Variants in TTC21B observed in about 807,000 individuals in gnomAD.
TTC21B encodes tetratricopeptide repeat domain 21B.
A neutral mutation model predicts 175.1 loss-of-function variants in TTC21B; 127 were observed. The ratio of observed to expected loss-of-function variants is 0.73; its 90% CI spans 0.63 to 0.84. The LOEUF is 0.84. TTC21B is among the 40% of genes least tolerant of loss of function. The pLI, the probability that TTC21B is intolerant of heterozygous loss-of-function variation, is 0.00. For missense variants in TTC21B, 1,561 were observed against 1,558.3 expected (o/e 1.00, Z -0.03); for synonymous variants, 524 against 524.5 (o/e 1.00, Z 0.01).
rs146314697 is a variant in TTC21B, at chr2:165,932,663, T to A, written c.795+310A>T. Among the ~76,000 whole-genome samples the A allele has an allele frequency of 3.9e-4, 60 of 152,138 alleles. 1 individual carries two copies. The East Asian group carries it at 9.9e-3, about 25-fold the overall frequency. ...CTAGTATCACTAGTTACATTACGTA[T>A]CTAGTTACATTAATCATATATATTA... On this transcript the variant is annotated intron_variant, in intron 7 of 28. Transcript: ENST00000243344.
intron 19 of TTC21B, among the ~76,000 whole-genome samples, chr2:165,906,965 A>AG (rs1265826236): frequency 6.6e-6 from 1 of 151,084 alleles, no homozygotes; most frequent in African/African-American, 2.4e-5. Flanking sequence ...CAAAAAAAAA[A>AG]AAAAAAAAAA....
At position 165,949,648 on chromosome 2, in the gene TTC21B, T is replaced by C. The variant is rs766227919; in HGVS notation, c.98A>G (p.Tyr33Cys). Residue 33 changes from tyrosine to cysteine, a missense_variant, in exon 2 of 29, where the codon TAT (tyrosine) becomes TGT (cysteine). Coordinates refer to ENST00000243344, the MANE Select transcript of TTC21B (RefSeq NM_024753.5). ...LLVASEGIKRYGSDPVFRFYH... is the reference protein window; with the variant it reads ...LLVASEGIKRCGSDPVFRFYH... ...AAACCTGAAGACTGGATCACTTCCA[T>C]ACCTCTTAATTCCTTCACTGGCAAC... 6 of 1,613,624 alleles carry C rather than the reference T, an allele frequency of 3.7e-6. No homozygotes were observed. The highest frequency in any genetic ancestry group is 1.7e-5 in the Admixed American group (1 of 60,032).
chr2:165,920,139 A>T (rs577222148), intron 12 of TTC21B, among the ~76,000 whole-genome samples: 10 of 152,282 alleles, frequency 6.6e-5, no homozygotes, highest in Non-Finnish European at 1.5e-4. Flanking sequence ...GTTTCTCATG[A>T]TGTAACCCGC....
Position 165,874,208 on chromosome 2 carries a change from T to TGATG in TTC21B, c.*543_*546dup, listed in dbSNP as rs1684596475. 1 of 152,336 alleles carries TGATG rather than the reference T, an allele frequency of 6.6e-6. No homozygotes were observed. The allele number at this position is 152,336 out of a possible 1,614,324, so 9.4% of individuals were successfully genotyped here. ...AAAAATACAAAAAATTAGCCGGGTG[T>TGATG]GATGGCACATGCCTTTAGTCCCAGC... On this transcript the variant is annotated 3_prime_UTR_variant, in exon 29 of 29. Transcript: ENST00000243344.
At chr2:165,941,585 G>C (rs1024377640) in intron 5 of TTC21B, among the ~76,000 whole-genome samples, 2 of 151,864 alleles carry the variant, frequency 1.3e-5, no homozygotes, top group Non-Finnish European at 2.9e-5. Flanking sequence ...TTATTTTCAG[G>C]TTAAAGAATA....
chr2:165,911,597 T>C (rs998001459), intron 17 of TTC21B, 132 bp from the exon 18 acceptor site: 10 of 929,974 alleles, frequency 1.1e-5, no homozygotes, highest in Non-Finnish European at 1.4e-5. Flanking sequence ...GGCATACACC[T>C]GCCTGTCAAT....
chr2:165,883,846 G>C lies in TTC21B; in HGVS notation c.3632C>G (p.Ala1211Gly), dbSNP rs1184263036. 1 of 1,613,902 alleles carries C rather than the reference G, an allele frequency of 6.2e-7. No homozygotes were observed. Among genetic ancestry groups the C allele is most frequent in the East Asian group, 2.2e-5 (1 of 44,878 alleles). The change falls in exon 26 of 29, where the codon GCA (alanine) becomes GGA (glycine). Residue 1211 changes from alanine (A) to glycine (G), a missense_variant. Physicochemically the swap from Ala to Gly is moderately conservative, Grantham distance 60. Transcript: ENST00000243344. Reference protein sequence around the residue: ...LLLADIYIQSAKYDMAEDLLK... With the variant: ...LLLADIYIQSGKYDMAEDLLK... ...CAGGTCTTCTGCCATGTCATATTTTGCTGATTGAATGTAAATATCAGCAAG... is the reference window on the plus strand; with the variant it reads ...CAGGTCTTCTGCCATGTCATATTTTCCTGATTGAATGTAAATATCAGCAAG...
In TTC21B at chr2:165,953,669, C is replaced by CCGCTCACT; in HGVS notation, c.21+15_21+16insAGTGAGCG. 1.9e-6 allele frequency: 3 copies of CCGCTCACT among 1,547,448 alleles called. No homozygotes were observed. Among genetic ancestry groups the CCGCTCACT allele is most frequent in the Non-Finnish European group, 2.6e-6 (3 of 1,146,452 alleles). On this transcript the variant is annotated intron_variant, in intron 1 of 28. Coordinates refer to ENST00000243344, the MANE Select transcript of TTC21B (RefSeq NM_024753.5). ...CCCGCCCGCCCGCTCACCCGCTCAC[C>CCGCTCACT]CGCTCACCCGCTCACCTTCAATTCC...
Position 165,919,385 on chromosome 2 carries a change from T to C in TTC21B, c.1565A>G (p.Asn522Ser), listed in dbSNP as rs751540881. 5 of 1,613,930 alleles carry C rather than the reference T, an allele frequency of 3.1e-6. No homozygotes were observed. The highest frequency in any genetic ancestry group is 1.3e-5 in the African/African-American group (1 of 74,900). Residue 522 changes from asparagine to serine, a missense_variant, in exon 13 of 29, where the codon AAT becomes AGT. Coordinates refer to ENST00000243344, the MANE Select transcript of TTC21B (RefSeq NM_024753.5). ...FNNLQHCLEH[N>S]PSYADAHLLL... ...CAGATGAGCATCAGCATAAGAGGGATTGTGTTCTAAGCAGTGCTGAAGGTT... is the reference window on the plus strand; with the variant it reads ...CAGATGAGCATCAGCATAAGAGGGACTGTGTTCTAAGCAGTGCTGAAGGTT...
At chr2:165,941,337 A>C (rs1687360014) in intron 5 of TTC21B, among the ~76,000 whole-genome samples, 153 bp from the exon 6 acceptor site, 1 of 152,234 alleles carries the variant, frequency 6.6e-6, no homozygotes, top group Non-Finnish European at 1.5e-5. Flanking sequence ...AAAATTTTAA[A>C]ACATCACAGA....
chr2:165,876,334 G>T, intron 27 of TTC21B, 102 bp from the exon 28 acceptor site: 1 of 782,864 alleles, frequency 1.3e-6, no homozygotes. Flanking sequence ...GAATGGTAAG[G>T]GAGGCTGGTG....
chr2:165,898,709 T>C lies in TTC21B; in HGVS notation c.2927A>G (p.Gln976Arg). ...QDYEQAVFHL[Q>R]QLLERKPDNY... ...ACCTGGCTTACGTTCTAAAAGCTGC[T>C]GTAAATGAAACACTGCTTGTTCATA... Residue 976 changes from glutamine (Q) to arginine (R), a missense_variant, in exon 22 of 29, where the codon CAG becomes CGG. By Grantham distance (43) the Gln-to-Arg change is conservative. Coordinates refer to ENST00000243344, the MANE Select transcript of TTC21B (RefSeq NM_024753.5). 1 of 1,612,852 alleles carries C rather than the reference T, an allele frequency of 6.2e-7. No homozygotes were observed. The highest frequency in any genetic ancestry group is 8.5e-7 in the Non-Finnish European group (1 of 1,178,848).
At chr2:165,926,033 C>T (rs1686616066) in intron 11 of TTC21B, among the ~76,000 whole-genome samples, 1 of 152,040 alleles carries the variant, frequency 6.6e-6, no homozygotes, top group Non-Finnish European at 1.5e-5. Context: ...ATCGTTTGTT[C>T]AATTAAAATT....
In TTC21B at chr2:165,890,857, A is replaced by C. The variant is rs1574071284; in HGVS notation, c.3082T>G (p.Cys1028Gly). The C allele has an allele frequency of 6.2e-7, 1 of 1,613,496 alleles. No homozygotes were observed. Among genetic ancestry groups the C allele is most frequent in the East Asian group, 2.2e-5 (1 of 44,776 alleles). ...RAKLEPGFQY[C>G]KGLYLWYTGE... ...ATTTACCAAAGATACAGTCCTTTAC[A>C]ATACTGAAATCCTGGTTCCAATTTT... The change falls in exon 23 of 29, where the codon TGT becomes GGT. Residue 1028 changes from cysteine to glycine, a missense_variant. Transcript: ENST00000243344.
chr2:165,874,058 A>C lies in TTC21B; in HGVS notation c.*697T>G, dbSNP rs962747146. 5 of 152,132 alleles carry C rather than the reference A, an allele frequency of 3.3e-5. No individual in the cohort carries two copies. Among genetic ancestry groups the C allele is most frequent in the African/African-American group, 1.2e-4 (5 of 41,422 alleles). The allele number at this position is 152,132 out of a possible 1,614,324, so 9.4% of individuals were successfully genotyped here. On this transcript the variant is annotated 3_prime_UTR_variant, in exon 29 of 29. Coordinates refer to ENST00000243344, the MANE Select transcript of TTC21B (RefSeq NM_024753.5). ...TTTTTGAAACAACACAGAATACAACAAAAACAGGCTGGGTGCGGTGGCTCA... is the reference window on the plus strand; with the variant it reads ...TTTTTGAAACAACACAGAATACAACCAAAACAGGCTGGGTGCGGTGGCTCA...
At chr2:165,927,269 GT>G (rs1370468526) in intron 11 of TTC21B, among the ~76,000 whole-genome samples, 2 of 45,330 alleles carry the variant, frequency 4.4e-5, no homozygotes, top group African/African-American at 1.6e-4. Context: ...TATCCTAGTA[GT>G]TATATATATA....
rs192789630 is a variant in TTC21B at position 165,888,088 on chromosome 2, A to C, written c.3459+191T>G. Among the ~76,000 whole-genome samples, 12 of 152,358 alleles carry C rather than the reference A, an allele frequency of 7.9e-5. No individual in the cohort carries two copies. The South Asian group carries it at 8.3e-4, about 11-fold the overall frequency. On this transcript the variant is annotated intron_variant, in intron 25 of 28. Transcript: ENST00000243344. ...TCCAGTAGAGAGAAATATATCAACA[A>C]CACAACAAAACAGTAACATCGTCTC...
In TTC21B at chr2:165,890,810, T is replaced by C. The variant is rs1404014991; in HGVS notation, c.3101+28A>G. ...GATTTACAATGAGAAAAAAAAATCA[T>C]GTAGCATTTATTTGTAAATAGATTT... On this transcript the variant is annotated intron_variant, in intron 23 of 28. Transcript: ENST00000243344. 6.9e-6 allele frequency: 11 copies of C among 1,605,278 alleles called. No individual in the cohort carries two copies. The East Asian group carries it at 8.9e-5, about 13-fold the overall frequency.
chr2:165,934,912 T>C (rs1444101343), intron 6 of TTC21B: 1 of 152,166 alleles, frequency 6.6e-6, no homozygotes, highest in Non-Finnish European at 1.5e-5. Context: ...CTACAATTTG[T>C]CTCCTCAAAT....
Sources: gnomAD v4.1 joint callset for allele counts (sites outside exome capture counted in the v4.1 genomes callset) on GRCh38, gnomAD v4.1.1 for gene constraint, MANE v1.5 for transcripts, NCBI Gene and HGNC (gene_info 2026-07-23, HGNC 2026-07-21) for gene names.